Variants in KDM2B observed in about 807,000 individuals in gnomAD.
KDM2B encodes the protein lysine-specific demethylase 2B.
In KDM2B, 26 loss-of-function variants were observed where a neutral mutation model predicts 150.0. The ratio of observed to expected loss-of-function variants is 0.17; its 90% CI spans 0.13 to 0.24. KDM2B has a LOEUF of 0.24. Ranked by LOEUF, KDM2B falls within the 10% of genes least tolerant of loss-of-function variation. The pLI is 1.00. For missense variants in KDM2B, 1,265 were observed against 1,816.9 expected (o/e 0.70, Z 5.52); for synonymous variants, 734 against 729.5 (o/e 1.01, Z -0.10).
intron 1 of KDM2B, chr12:121,580,471 G>A (rs1253358339): frequency 2.5e-5 from 29 of 1,165,592 alleles, no homozygotes; most frequent in Non-Finnish European, 2.9e-5. Context: ...TCACGAGTGC[G>A]CCTCTGCACG....
chr12:121,547,433 C>G (rs1889139829), intron 6 of KDM2B, among the ~76,000 whole-genome samples: 2 of 152,124 alleles, frequency 1.3e-5, no homozygotes, highest in African/African-American at 4.8e-5. Context: ...TGCTGGCCTC[C>G]CTTACAAAGC....
chr12:121,481,445 T>C (rs936079672), intron 12 of KDM2B, among the ~76,000 whole-genome samples: 3 of 150,086 alleles, frequency 2.0e-5, no homozygotes, highest in Non-Finnish European at 4.4e-5. Flanking sequence ...TTTCAATAGG[T>C]CACCTAAATT....
intron 4 of KDM2B, among the ~76,000 whole-genome samples, chr12:121,564,253 C>T (rs1387766896): frequency 6.6e-6 from 1 of 151,776 alleles, no homozygotes; most frequent in Non-Finnish European, 1.5e-5. Context: ...GTCAGGAGAT[C>T]GAGACCATCC....
downstream of KDM2B, among the ~76,000 whole-genome samples, chr12:121,426,450 C>A (rs868928925): frequency 5.7e-4 from 82 of 142,736 alleles, no homozygotes; most frequent in African/African-American, 1.9e-3. Flanking sequence ...CCCCTCCCCC[C>A]CCTTTTTTTT....
At chr12:121,529,954 C>T (rs539711066) in intron 8 of KDM2B, among the ~76,000 whole-genome samples, 3 of 149,086 alleles carry the variant, frequency 2.0e-5, no homozygotes, top group African/African-American at 4.9e-5. Flanking sequence ...GAAGAGCAGG[C>T]GCAGTGGCTC....
intron 4 of KDM2B, among the ~76,000 whole-genome samples, chr12:121,564,391 G>A (rs1194474201): frequency 6.6e-6 from 1 of 152,140 alleles, no homozygotes; most frequent in Non-Finnish European, 1.5e-5. Context: ...CCGGGAGGCG[G>A]AGCTTGCAGT....
Position 121,441,181 on chromosome 12 carries a change from T to C in KDM2B, c.3337A>G (p.Ile1113Val), listed in dbSNP as rs782336129. The part of the protein sequence containing the change: ...TRIDLNHCKS[I>V]TPLMLSGIIR... Reference sequence around the variant, plus strand: ...ATGCCACTCAGCATCAGGGGTGTGATAGACTTGCAGTGGTTCAGGTCAATG... The same window carrying C: ...ATGCCACTCAGCATCAGGGGTGTGACAGACTTGCAGTGGTTCAGGTCAATG... Residue 1113 changes from isoleucine (I) to valine (V), a missense_variant, in exon 20 of 23, where the codon ATC (isoleucine) becomes GTC (valine). Physicochemically the swap from Ile to Val is conservative, Grantham distance 29. This residue lies in a region of KDM2B where 251 missense variants were observed against 397.8 expected (regional missense o/e 0.63). Coordinates refer to ENST00000377071, the MANE Select transcript of KDM2B (RefSeq NM_032590.5). 7.4e-6 allele frequency: 12 copies of C among 1,614,154 alleles called. No individual in the cohort carries two copies. Among genetic ancestry groups the C allele is most frequent in the East Asian group, 6.7e-5 (3 of 44,880 alleles).
At chr12:121,440,421 T>C in intron 21 of KDM2B, 1 of 402,452 alleles carries the variant, frequency 2.5e-6, no homozygotes, top group Non-Finnish European at 4.6e-6. Flanking sequence ...CAGGGGGAGG[T>C]GCCATCCTGG....
chr12:121,422,883 G>C, the KDM2B span, among the ~76,000 whole-genome samples: 1 of 151,696 alleles, frequency 6.6e-6, no homozygotes, highest in Non-Finnish European at 1.5e-5. Flanking sequence ...GGCTAGGGAG[G>C]GAAGGATGCA....
At chr12:121,480,583 CAAAAAAAA>C (rs35490517) in intron 12 of KDM2B, among the ~76,000 whole-genome samples, 67 of 63,258 alleles carry the variant, frequency 1.1e-3, no homozygotes, top group African/African-American at 2.5e-3. Context: ...CTGTCGCTAC[CAAAAAAAA>C]AAAAAAAAAA....
At chr12:121,509,432 C>T in intron 11 of KDM2B, 135 bp downstream of exon 11, 2 of 1,451,578 alleles carry the variant, frequency 1.4e-6, no homozygotes, top group South Asian at 1.4e-5. Context: ...ACCCCAGAAG[C>T]CCCCTCGCAG....
intron 11 of KDM2B, among the ~76,000 whole-genome samples, chr12:121,498,909 C>T (rs1337475887): frequency 6.6e-6 from 1 of 151,968 alleles, no homozygotes; most frequent in Non-Finnish European, 1.5e-5. Context: ...AACTCCTGGG[C>T]TCAAGCAATT....
Position 121,464,195 on chromosome 12 carries a change from T to C in KDM2B, c.1735-10851A>G, listed in dbSNP as rs956655984. ...CTGCAATGAGTTATAATCATATCAC[T>C]GTACTCCAGCCTGCGTGACAGAGCA... On this transcript the variant is annotated intron_variant, in intron 12 of 22. Transcript: ENST00000377071. Among the ~76,000 whole-genome samples the C allele has an allele frequency of 2.6e-5, 4 of 152,210 alleles. No homozygotes were observed. In the South Asian group the frequency reaches 6.2e-4, roughly 24 times the overall value.
chr12:121,479,858 G>A (rs556836363), intron 12 of KDM2B, among the ~76,000 whole-genome samples: 218 of 152,218 alleles, frequency 1.4e-3, no homozygotes, highest in African/African-American at 5.0e-3. Flanking sequence ...CTGACCTCAA[G>A]TGAGGCACCA....
chr12:121,525,247 T>C (rs180993659), intron 8 of KDM2B, among the ~76,000 whole-genome samples: 202 of 152,178 alleles, frequency 1.3e-3, no homozygotes, highest in African/African-American at 4.7e-3. Flanking sequence ...AATGGGGATA[T>C]TTCTTTTGTT....
intron 6 of KDM2B, among the ~76,000 whole-genome samples, chr12:121,535,704 C>T (rs1181817821): frequency 1.3e-5 from 2 of 152,292 alleles, no homozygotes; most frequent in Non-Finnish European, 2.9e-5. Flanking sequence ...CCAGGGGAAG[C>T]AGGAACTGGC....
chr12:121,545,847 T>G (rs1165176049), intron 6 of KDM2B, among the ~76,000 whole-genome samples: 1 of 129,328 alleles, frequency 7.7e-6, no homozygotes, highest in African/African-American at 2.9e-5. Flanking sequence ...CTGCATTCAC[T>G]GCCTCTGTTC....
At chr12:121,436,892 G>A (rs959940999) in intron 22 of KDM2B, among the ~76,000 whole-genome samples, 1 of 152,244 alleles carries the variant, frequency 6.6e-6, no homozygotes, top group African/African-American at 2.4e-5. Flanking sequence ...AGATGGTGGA[G>A]CAAAACCTCC....
chr12:121,456,279 C>T (rs1333234480), intron 12 of KDM2B, among the ~76,000 whole-genome samples: 2 of 152,240 alleles, frequency 1.3e-5, no homozygotes, highest in African/African-American at 4.8e-5. Flanking sequence ...TGCCACGATG[C>T]CTCAGTGCGA....
Sources: allele counts gnomAD v4.1 joint callset (sites outside exome capture counted in the v4.1 genomes callset), GRCh38; gene constraint gnomAD v4.1.1; regional missense constraint gnomAD v4.1.1; transcripts MANE v1.5; gene names NCBI Gene and HGNC (gene_info 2026-07-23, HGNC 2026-07-21).